Variants in ANGPT1 observed in about 807,000 individuals in gnomAD.
ANGPT1 encodes the protein angiopoietin 1, also known as angiopoietin-1.
Under a neutral mutation model 62.2 loss-of-function variants are expected in ANGPT1, and 17 were observed. The observed-to-expected ratio is 0.27, with a 90% CI of 0.19 to 0.41. The LOEUF (loss-of-function observed/expected upper bound fraction) is 0.41. Among genes scored for constraint, ANGPT1 ranks in the 10% least tolerant of loss-of-function variants. The pLI is 1.00. For missense variants in ANGPT1, 478 were observed against 594.9 expected (o/e 0.80, Z 2.04); for synonymous variants, 199 against 198.9 (o/e 1.00, Z 0.00).
chr8:107,409,924 A>G (rs998322906), intron 1 of ANGPT1, among the ~76,000 whole-genome samples: 2 of 149,560 alleles, frequency 1.3e-5, no homozygotes, highest in African/African-American at 4.9e-5. Flanking sequence ...GGCATGTAAT[A>G]AATATATGTG....
chr8:107,257,500 C>T (rs2514870), intron 8 of ANGPT1, among the ~76,000 whole-genome samples: 129,514 of 152,180 alleles, frequency 0.85, 55,127 homozygotes, highest in Middle Eastern at 0.88. Context: ...AAACAAAACA[C>T]CTCTCAACAC....
intron 1 of ANGPT1, among the ~76,000 whole-genome samples, chr8:107,490,769 T>C (rs892264606): frequency 2.6e-5 from 4 of 152,210 alleles, no homozygotes; most frequent in Non-Finnish European, 4.4e-5. Flanking sequence ...AGACAACACA[T>C]AAATGAATTA....
intron 7 of ANGPT1, 101 bp downstream of exon 7, chr8:107,284,581 T>C: frequency 8.7e-7 from 1 of 1,144,440 alleles, no homozygotes; most frequent in East Asian, 2.9e-5. Flanking sequence ...GAATTTTCAT[T>C]TTGAAGGATG....
At chr8:107,312,617 A>T (rs2130021928) in intron 4 of ANGPT1, among the ~76,000 whole-genome samples, 1 of 152,340 alleles carries the variant, frequency 6.6e-6, no homozygotes, top group South Asian at 2.1e-4. Context: ...AAAGAACAGT[A>T]CTTGACTACC....
chr8:107,452,950 A>T (rs2130458391), intron 1 of ANGPT1, among the ~76,000 whole-genome samples: 1 of 152,224 alleles, frequency 6.6e-6, no homozygotes, highest in African/African-American at 2.4e-5. Flanking sequence ...AATTTTGAGA[A>T]ATAATTTATA....
At chr8:107,400,905 A>G (rs575394400) in intron 1 of ANGPT1, among the ~76,000 whole-genome samples, 24 of 152,176 alleles carry the variant, frequency 1.6e-4, no homozygotes, top group Admixed American at 5.9e-4. Context: ...TTTACACTAG[A>G]TCATGCTAGG....
chr8:107,320,913 A>G (rs766915017), intron 4 of ANGPT1, among the ~76,000 whole-genome samples: 11 of 152,156 alleles, frequency 7.2e-5, no homozygotes, highest in Non-Finnish European at 1.6e-4. Context: ...CCATGTGTAC[A>G]TTGCATATGC....
intron 1 of ANGPT1, among the ~76,000 whole-genome samples, chr8:107,383,389 A>C (rs1167193534): frequency 6.6e-6 from 1 of 152,166 alleles, no homozygotes; most frequent in Admixed American, 6.6e-5. Flanking sequence ...CAGCCTTACA[A>C]ACTGAGCAAA....
At position 107,305,331 on chromosome 8, in the gene ANGPT1, G is replaced by C. The variant is rs532871557; in HGVS notation, c.809-1964C>G. The stretch of plus-strand genomic sequence containing the variant: ...AGAGAGAAAGTCATTTATCTATGGA[G>C]AAAATGCTTCTCTTGTATATACCAC... On this transcript the variant is annotated intron_variant, in intron 4 of 8. Coordinates refer to ENST00000517746, the MANE Select transcript of ANGPT1 (RefSeq NM_001146.5). Among the ~76,000 whole-genome samples the C allele has an allele frequency of 9.6e-4, 146 of 152,058 alleles. 1 individual carries two copies. Among genetic ancestry groups the C allele is most frequent in the Middle Eastern group, 3.4e-3 (1 of 294 alleles).
At chr8:107,277,277 C>T (rs1349068006) in intron 7 of ANGPT1, among the ~76,000 whole-genome samples, 1 of 151,978 alleles carries the variant, frequency 6.6e-6, no homozygotes, top group Non-Finnish European at 1.5e-5. Flanking sequence ...AAATAATTAC[C>T]TGCAAAATGA....
chr8:107,351,177 T>C (rs1563581470), intron 1 of ANGPT1, among the ~76,000 whole-genome samples: 1 of 152,122 alleles, frequency 6.6e-6, no homozygotes, highest in Non-Finnish European at 1.5e-5. Context: ...TATAAGTTAT[T>C]GACCAAAATG....
intron 1 of ANGPT1, among the ~76,000 whole-genome samples, chr8:107,427,537 G>A (rs1206247756): frequency 6.6e-6 from 1 of 152,136 alleles, no homozygotes; most frequent in Non-Finnish European, 1.5e-5. Context: ...ACACACATGG[G>A]CTTGTCTTTC....
At position 107,269,844 on chromosome 8, in the gene ANGPT1, C is replaced by T. The variant is rs185184485; in HGVS notation, c.1206-5493G>A. Among the ~76,000 whole-genome samples the T allele has an allele frequency of 9.1e-3, 1,375 of 151,796 alleles. 24 individuals carry two copies. Among genetic ancestry groups the T allele is most frequent in the African/African-American group, 0.031 (1,283 of 41,424 alleles). Reference sequence around the variant, plus strand: ...AAGAAAAAAAAATGAGTCCCTTCGACGGATGACTATAAAGAATGTCAGCAT... The same window carrying T: ...AAGAAAAAAAAATGAGTCCCTTCGATGGATGACTATAAAGAATGTCAGCAT... On this transcript the variant is annotated intron_variant, in intron 7 of 8. Coordinates refer to ENST00000517746, the MANE Select transcript of ANGPT1 (RefSeq NM_001146.5).
intron 1 of ANGPT1, among the ~76,000 whole-genome samples, chr8:107,484,270 C>T (rs1812759859): frequency 6.6e-6 from 1 of 152,168 alleles, no homozygotes; most frequent in Non-Finnish European, 1.5e-5. Flanking sequence ...AATCATTTGA[C>T]TTTAGTGGCC....
At position 107,358,274 on chromosome 8, in the gene ANGPT1, C is replaced by A. The variant is rs115497405; in HGVS notation, c.298-11177G>T. Among the ~76,000 whole-genome samples, 586 of 152,184 alleles carry A rather than the reference C, an allele frequency of 3.9e-3. 6 individuals are homozygous for A. The highest frequency in any genetic ancestry group is 0.014 in the African/African-American group (564 of 41,518). On this transcript the variant is annotated intron_variant, in intron 1 of 8. Coordinates refer to ENST00000517746, the MANE Select transcript of ANGPT1 (RefSeq NM_001146.5). The stretch of plus-strand genomic sequence containing the variant: ...TTGAGTAGTTCTTATTTAAATTACC[C>A]TTGGTCCAAGTACTGGAAGAATTAT...
chr8:107,374,136 A>G (rs1239228120), intron 1 of ANGPT1, among the ~76,000 whole-genome samples: 1 of 152,218 alleles, frequency 6.6e-6, no homozygotes, highest in East Asian at 1.9e-4. Flanking sequence ...TTTACTCATA[A>G]AAAGGGCTTG....
intron 1 of ANGPT1, among the ~76,000 whole-genome samples, chr8:107,425,360 C>G (rs1811013183): frequency 6.6e-6 from 1 of 151,898 alleles, no homozygotes; most frequent in African/African-American, 2.4e-5. Context: ...TACAGACAAC[C>G]CTGGGCAAGA....
At chr8:107,355,764 C>T (rs1468101829) in intron 1 of ANGPT1, among the ~76,000 whole-genome samples, 1 of 152,046 alleles carries the variant, frequency 6.6e-6, no homozygotes, top group Non-Finnish European at 1.5e-5. Flanking sequence ...CTCTGTAATA[C>T]CCTTCTTTTC....
chr8:107,256,612 T>G (rs1311518761), intron 8 of ANGPT1, among the ~76,000 whole-genome samples: 2 of 152,218 alleles, frequency 1.3e-5, no homozygotes, highest in Non-Finnish European at 2.9e-5. Flanking sequence ...CTGATAAGAT[T>G]CTGAATAGCT....
Sources: allele counts gnomAD v4.1 joint callset (sites outside exome capture counted in the v4.1 genomes callset), GRCh38; gene constraint gnomAD v4.1.1; transcripts MANE v1.5; gene names NCBI Gene and HGNC (gene_info 2026-07-23, HGNC 2026-07-21).